The following SLMAP variants were observed in gnomAD, a reference collection of about 807,000 sequenced individuals.
SLMAP encodes the protein sarcolemma associated protein.
In SLMAP, 44 loss-of-function variants were observed where a neutral mutation model predicts 128.8. That is an observed-to-expected ratio of 0.34 (90% CI 0.27 to 0.44). The LOEUF (loss-of-function observed/expected upper bound fraction) is 0.44. SLMAP is among the 20% of genes least tolerant of loss of function. SLMAP has a pLI of 1.00. For missense variants in SLMAP, 787 were observed against 985.3 expected (o/e 0.80, Z 2.69); for synonymous variants, 327 against 348.8 (o/e 0.94, Z 0.70).
chr3:57,835,277 C>T (rs1005688265), intron 3 of SLMAP, among the ~76,000 whole-genome samples: 6 of 151,700 alleles, frequency 4.0e-5, no homozygotes, highest in Non-Finnish European at 5.9e-5. Context: ...TGTCTCTACC[C>T]GCTCCCCTGG....
At chr3:57,822,963 T>G (rs538527487) in intron 2 of SLMAP, among the ~76,000 whole-genome samples, 28 of 152,236 alleles carry the variant, frequency 1.8e-4, no homozygotes, top group Non-Finnish European at 3.5e-4. Flanking sequence ...AAAATTCACT[T>G]AAACAAATGG....
chr3:57,778,575 T>C (rs1236984336), intron 2 of SLMAP, among the ~76,000 whole-genome samples: 15 of 146,702 alleles, frequency 1.0e-4, no homozygotes, highest in Admixed American at 7.5e-4. Context: ...TCTTTCTTTT[T>C]TTTTTTTTTT....
rs2095265627 is a variant in SLMAP, at chr3:57,865,277, G to A, written c.1222G>A (p.Gly408Arg). The A allele has an allele frequency of 1.4e-6, 2 of 1,473,902 alleles. No individual in the cohort carries two copies. Among genetic ancestry groups the A allele is most frequent in the South Asian group, 1.2e-5 (1 of 80,212 alleles). The allele number at this position is 1,473,902 out of a possible 1,614,324, so 91.3% of individuals were successfully genotyped here. ...QVDDFLPKIN[G>R]STEKEHLLSK... ...TGATGACTTCTTACCTAAAATAAAT[G>A]GGAGCACAGAAAAAGGTAGTGTAAA... Residue 408 changes from glycine to arginine, a missense_variant, in exon 13 of 25, where the codon GGG becomes AGG. This residue lies in a region of SLMAP where 715 missense variants were observed against 843.6 expected (regional missense o/e 0.85). Coordinates refer to ENST00000671191, the MANE Select transcript of SLMAP (RefSeq NM_001377540.1).
chr3:57,856,317 C>A (rs1327348205), intron 6 of SLMAP, among the ~76,000 whole-genome samples: 1 of 152,118 alleles, frequency 6.6e-6, no homozygotes, highest in Non-Finnish European at 1.5e-5. Context: ...GTTTTAAAAC[C>A]TTTTTGACTC....
chr3:57,890,128 T>A, intron 15 of SLMAP, 28 bp downstream of exon 15: 1 of 1,608,744 alleles, frequency 6.2e-7, no homozygotes, highest in East Asian at 2.2e-5. Context: ...CTATGTTTTT[T>A]GACAGTTCTT....
intron 4 of SLMAP, among the ~76,000 whole-genome samples, chr3:57,843,283 T>C (rs1218794120): frequency 6.6e-6 from 1 of 150,850 alleles, no homozygotes; most frequent in East Asian, 2.0e-4. Flanking sequence ...TGTTTTGTTT[T>C]CTTTTTTCTT....
At chr3:57,860,171 T>C (rs1387893117) in intron 8 of SLMAP, among the ~76,000 whole-genome samples, 1 of 152,176 alleles carries the variant, frequency 6.6e-6, no homozygotes, top group East Asian at 1.9e-4. Flanking sequence ...ATTTTTCTTA[T>C]TGATGCTCAA....
chr3:57,905,747 G>A (rs190395387), intron 17 of SLMAP, among the ~76,000 whole-genome samples: 271 of 152,232 alleles, frequency 1.8e-3, no homozygotes, highest in Non-Finnish European at 2.6e-3. Flanking sequence ...AGAAACCTGT[G>A]TATAAAATTT....
intron 6 of SLMAP, among the ~76,000 whole-genome samples, chr3:57,850,449 C>T (rs1412237624): frequency 6.6e-6 from 1 of 151,898 alleles, no homozygotes; most frequent in Non-Finnish European, 1.5e-5. Flanking sequence ...GACAGGGTCT[C>T]GCTCTGTCTC....
chr3:57,880,917 C>T (rs1460137255), intron 14 of SLMAP, among the ~76,000 whole-genome samples: 2 of 151,942 alleles, frequency 1.3e-5, no homozygotes, highest in Non-Finnish European at 1.5e-5. Flanking sequence ...TAGGGCTGGG[C>T]GCAGTGGCTC....
chr3:57,848,942 C>T (rs2094402038), intron 5 of SLMAP, among the ~76,000 whole-genome samples: 1 of 152,076 alleles, frequency 6.6e-6, no homozygotes, highest in South Asian at 2.1e-4. Flanking sequence ...CTCCCAACGT[C>T]AGGTGATCTG....
At chr3:57,873,579 C>T (rs1401644819) in intron 14 of SLMAP, among the ~76,000 whole-genome samples, 2 of 151,986 alleles carry the variant, frequency 1.3e-5, no homozygotes, top group African/African-American at 4.8e-5. Context: ...TTTTTGTTAC[C>T]TTCTGATTAC....
At chr3:57,912,252 C>A in intron 19 of SLMAP, 129 bp from the exon 20 acceptor site, 1 of 664,842 alleles carries the variant, frequency 1.5e-6, no homozygotes, top group Non-Finnish European at 2.5e-6. Flanking sequence ...CTGCATCAAA[C>A]GTGGATTGTT....
intron 17 of SLMAP, among the ~76,000 whole-genome samples, chr3:57,903,385 G>C (rs116034080): frequency 0.017 from 2,537 of 152,274 alleles, 61 homozygotes; most frequent in African/African-American, 0.058. Flanking sequence ...CACTTGCCAG[G>C]TCACTTCTAT....
chr3:57,782,622 A>G (rs1024126235), intron 2 of SLMAP, among the ~76,000 whole-genome samples: 1 of 151,990 alleles, frequency 6.6e-6, no homozygotes, highest in Non-Finnish European at 1.5e-5. Context: ...ACAGGTGTGC[A>G]CCACCATGCC....
At chr3:57,814,092 C>CTT (rs35586426) in intron 2 of SLMAP, among the ~76,000 whole-genome samples, 1 of 142,016 alleles carries the variant, frequency 7.0e-6, no homozygotes. Context: ...GAGCATTATT[C>CTT]TTTTTTTTTT....
chr3:57,807,967 A>C (rs1009252553), intron 2 of SLMAP, among the ~76,000 whole-genome samples: 1 of 152,146 alleles, frequency 6.6e-6, no homozygotes, highest in Non-Finnish European at 1.5e-5. Flanking sequence ...TGGTCTATTC[A>C]GGGATTCAGC....
At chr3:57,900,124 C>A (rs2096340372) in intron 17 of SLMAP, 1 of 152,130 alleles carries the variant, frequency 6.6e-6, no homozygotes, top group African/African-American at 2.4e-5. Context: ...ATATAAGTAG[C>A]CTCTTTATTT....
intron 2 of SLMAP, among the ~76,000 whole-genome samples, chr3:57,764,813 C>T (rs2079358029): frequency 6.6e-6 from 1 of 152,098 alleles, no homozygotes; most frequent in Non-Finnish European, 1.5e-5. Flanking sequence ...CTGTGCTATT[C>T]TAAAGGCTTT....
Sources: allele counts gnomAD v4.1 joint callset (sites outside exome capture counted in the v4.1 genomes callset), GRCh38; gene constraint gnomAD v4.1.1; regional missense constraint gnomAD v4.1.1; transcripts MANE v1.5; gene names NCBI Gene and HGNC (gene_info 2026-07-23, HGNC 2026-07-21).